The following CREM variants were observed in gnomAD, a reference collection of about 807,000 sequenced individuals.
The protein encoded by CREM is cAMP responsive element modulator, also known as cAMP-responsive element modulator.
A neutral mutation model predicts 37.3 loss-of-function variants in CREM; 13 were observed. That is an observed-to-expected ratio of 0.35 (90% CI 0.23 to 0.55). The LOEUF (loss-of-function observed/expected upper bound fraction) is 0.55. CREM is among the 20% of genes least tolerant of loss of function. The pLI, the probability that CREM is intolerant of heterozygous loss-of-function variation, is 0.88. For missense variants in CREM, 296 were observed against 362.3 expected (o/e 0.82, Z 1.49); for synonymous variants, 124 against 120.2 (o/e 1.03, Z -0.21).
At chr10:35,202,651 T>C (rs1224135550) in intron 6 of CREM, among the ~76,000 whole-genome samples, 2 of 152,232 alleles carry the variant, frequency 1.3e-5, no homozygotes, top group Non-Finnish European at 2.9e-5. Context: ...TACCACCATA[T>C]AGATCCTTTG....
chr10:35,137,688 T>G, intron 1 of CREM, 94 bp from the exon 2 acceptor site: 1 of 494,564 alleles, frequency 2.0e-6, no homozygotes, highest in Non-Finnish European at 3.5e-6. Context: ...CCTGGCCTTG[T>G]TTTGAGAGGT....
chr10:35,206,745 G>A (rs2095534616), intron 6 of CREM, 150 bp from the exon 7 acceptor site: 3 of 747,540 alleles, frequency 4.0e-6, no homozygotes, highest in Non-Finnish European at 6.9e-6. Context: ...TAATACTTGA[G>A]ATTGCTATAA....
At chr10:35,156,133 G>T (rs553190256) in intron 3 of CREM, among the ~76,000 whole-genome samples, 2 of 151,586 alleles carry the variant, frequency 1.3e-5, no homozygotes, top group South Asian at 4.2e-4. Flanking sequence ...TAGAGATGGA[G>T]TTTCACTGTG....
chr10:35,170,875 C>G (rs1047469161), intron 3 of CREM, among the ~76,000 whole-genome samples: 1 of 152,024 alleles, frequency 6.6e-6, no homozygotes, highest in Admixed American at 6.6e-5. Flanking sequence ...TTGGCCTAAC[C>G]AGTGAGAATG....
Position 35,148,473 on chromosome 10 carries a change from A to C in CREM, c.150A>C (p.Ser50=). The C allele has an allele frequency of 6.2e-7, 1 of 1,612,480 alleles. No homozygotes were observed. Among genetic ancestry groups the C allele is most frequent in the Non-Finnish European group, 8.5e-7 (1 of 1,179,346 alleles). The change falls in exon 3 of 8, where the codon TCA becomes TCC. Residue 50 remains serine (S), a synonymous_variant. Coordinates refer to ENST00000685392, the MANE Select transcript of CREM (RefSeq NM_183011.2). ...TGCAGACTCAGACTGGCCAAAATTC[A>C]ATCCCTGCTTTAGCTCAGGTAGGCA... is the stretch of plus-strand genomic sequence containing the variant. The part of the protein sequence containing the change: ...AHVQTQTGQN[S]IPALAQVAAI...
At chr10:35,149,929 CACACACACA>C (rs1465921550) in intron 3 of CREM, among the ~76,000 whole-genome samples, 6 of 136,116 alleles carry the variant, frequency 4.4e-5, no homozygotes, top group East Asian at 2.3e-4. Flanking sequence ...CACACACACA[CACACACACA>C]CCCTTGTTAA....
At chr10:35,145,776 CA>C (rs370248344) in intron 2 of CREM, among the ~76,000 whole-genome samples, 366 of 85,218 alleles carry the variant, frequency 4.3e-3, no homozygotes, top group East Asian at 0.017. Flanking sequence ...GACTCTGCCT[CA>C]AAAAAAAAAA....
chr10:35,137,358 G>A (rs997524189), intron 1 of CREM, among the ~76,000 whole-genome samples: 1 of 152,064 alleles, frequency 6.6e-6, no homozygotes, highest in Non-Finnish European at 1.5e-5. Flanking sequence ...GCATTGGAGT[G>A]AAATATAAGG....
intron 3 of CREM, among the ~76,000 whole-genome samples, chr10:35,169,604 T>G (rs2093706565): frequency 6.6e-6 from 1 of 152,214 alleles, no homozygotes; most frequent in African/African-American, 2.4e-5. Context: ...CCTGCCTGAT[T>G]GCCCTGGCCA....
Position 35,179,280 on chromosome 10 carries a change from T to C in CREM, c.409+4T>C. 1 of 1,613,720 alleles carries C rather than the reference T, an allele frequency of 6.2e-7. No homozygotes were observed. Among genetic ancestry groups the C allele is most frequent in the Non-Finnish European group, 8.5e-7 (1 of 1,179,878 alleles). On this transcript the variant is annotated splice_donor_region_variant and intron_variant, in intron 5 of 7. Transcript: ENST00000685392. Reference sequence around the variant, plus strand: ...CAGACTAGCACGGGGCAATACAGTATGTATGCTGCAATTCGATATGATACA... The same window carrying C: ...CAGACTAGCACGGGGCAATACAGTACGTATGCTGCAATTCGATATGATACA...
At chr10:35,207,074 G>T (rs548866543) in intron 7 of CREM, 23 bp downstream of exon 7, 7 of 1,605,828 alleles carry the variant, frequency 4.4e-6, no homozygotes, top group South Asian at 1.1e-5. Flanking sequence ...ACAGGGAATC[G>T]GTAACTTCTA....
chr10:35,129,971 C>T (rs551725763), intron 1 of CREM, among the ~76,000 whole-genome samples: 3 of 151,896 alleles, frequency 2.0e-5, no homozygotes, highest in South Asian at 2.1e-4. Context: ...CTGAGGCAGG[C>T]GGATCGCCTG....
At chr10:35,178,332 C>T (rs2094190076) in intron 3 of CREM, among the ~76,000 whole-genome samples, 1 of 152,150 alleles carries the variant, frequency 6.6e-6, no homozygotes, top group South Asian at 2.1e-4. Context: ...GCCACCAAGC[C>T]CTAACTTACT....
intron 1 of CREM, among the ~76,000 whole-genome samples, chr10:35,133,291 A>G (rs373302951): frequency 2.0e-5 from 3 of 151,168 alleles, no homozygotes; most frequent in East Asian, 1.9e-4. Flanking sequence ...CAATTGTAAT[A>G]TCTAGTCCAA....
intron 5 of CREM, among the ~76,000 whole-genome samples, chr10:35,183,838 G>A (rs966232053): frequency 6.6e-6 from 1 of 152,218 alleles, no homozygotes; most frequent in Non-Finnish European, 1.5e-5. Context: ...ACTTTGGGAG[G>A]CTGAGGTGGG....
At chr10:35,175,002 A>G (rs1414349820) in intron 3 of CREM, among the ~76,000 whole-genome samples, 1 of 152,226 alleles carries the variant, frequency 6.6e-6, no homozygotes, top group East Asian at 1.9e-4. Context: ...CAGAGACACC[A>G]GGGGCTTGAA....
At chr10:35,136,683 G>A (rs1454500430) in intron 1 of CREM, among the ~76,000 whole-genome samples, 1 of 151,994 alleles carries the variant, frequency 6.6e-6, no homozygotes. Flanking sequence ...AACTCTGAAA[G>A]CAATGTGTCT....
In CREM at chr10:35,181,340, G is replaced by A. The variant is rs545771614; in HGVS notation, c.409+2064G>A. Among the ~76,000 whole-genome samples the A allele has an allele frequency of 5.3e-5, 8 of 152,250 alleles. No homozygotes were observed. The South Asian group carries it at 1.7e-3, about 32-fold the overall frequency. On this transcript the variant is annotated intron_variant, in intron 5 of 7. Transcript: ENST00000685392. ...CAAAGGAGATAATGGGTAAAAGTAG[G>A]GGGAAAAAGACATGCTACTATTGGC...
rs2087916980 is a variant in CREM, at chr10:35,127,150, C to T, written c.-98C>T. The T allele has an allele frequency of 6.5e-6, 1 of 152,680 alleles. No individual in the cohort carries two copies. Among genetic ancestry groups the T allele is most frequent in the East Asian group, 1.9e-4 (1 of 5,182 alleles). The allele number at this position is 152,680 out of a possible 1,614,324, so 9.5% of individuals were successfully genotyped here. Reference sequence around the variant, plus strand: ...CTCGCCGTCTCCACCTCCTCGCGTCCGTAATCAGTGACGAGGTCCGCTACG... The same window carrying T: ...CTCGCCGTCTCCACCTCCTCGCGTCTGTAATCAGTGACGAGGTCCGCTACG... On this transcript the variant is annotated 5_prime_UTR_variant, in exon 1 of 8. Transcript: ENST00000685392.
Sources: gnomAD v4.1 joint callset for allele counts (sites outside exome capture counted in the v4.1 genomes callset) on GRCh38, gnomAD v4.1.1 for gene constraint, MANE v1.5 for transcripts, NCBI Gene and HGNC (gene_info 2026-07-23, HGNC 2026-07-21) for gene names.